ADAMTS18: variants seen among roughly 807,000 people sequenced by gnomAD.
The protein encoded by ADAMTS18 is ADAM metallopeptidase with thrombospondin type 1 motif 18.
A neutral mutation model predicts 165.9 loss-of-function variants in ADAMTS18; 157 were observed. The ratio of observed to expected loss-of-function variants is 0.95; its 90% CI spans 0.83 to 1.08. The LOEUF (loss-of-function observed/expected upper bound fraction) is 1.08, where lower values mean the gene tolerates loss of function less well. Among genes scored for constraint, ADAMTS18 ranks in the 50% least tolerant of loss-of-function variants. The pLI is 0.00. For missense variants in ADAMTS18, 2,040 were observed against 1,534.0 expected (o/e 1.33, Z -5.51); for synonymous variants, 782 against 578.2 (o/e 1.35, Z -5.06).
At chr16:77,426,912 G>A (rs1199254306) in intron 3 of ADAMTS18, among the ~76,000 whole-genome samples, 2 of 152,114 alleles carry the variant, frequency 1.3e-5, no homozygotes, top group African/African-American at 2.4e-5. Flanking sequence ...TACTTGGGGG[G>A]CTGAGTTGGG....
At chr16:77,431,929 G>C (rs2057745347) in intron 2 of ADAMTS18, among the ~76,000 whole-genome samples, 1 of 152,126 alleles carries the variant, frequency 6.6e-6, no homozygotes, top group Non-Finnish European at 1.5e-5. Context: ...TTAATGGTCT[G>C]GGCCTTTTAT....
intron 3 of ADAMTS18, among the ~76,000 whole-genome samples, chr16:77,415,216 C>G (rs537301018): frequency 6.6e-6 from 1 of 152,224 alleles, no homozygotes; most frequent in South Asian, 2.1e-4. Context: ...ATGCTCAATG[C>G]GCTTATTGCA....
At chr16:77,349,909 G>A (rs1374134691) in intron 10 of ADAMTS18, among the ~76,000 whole-genome samples, 1 of 152,190 alleles carries the variant, frequency 6.6e-6, no homozygotes, top group Non-Finnish European at 1.5e-5. Context: ...GTGGGTCTAT[G>A]AATAAACATT....
intron 14 of ADAMTS18, 49 bp from the exon 15 acceptor site, chr16:77,321,251 G>C: frequency 6.2e-7 from 1 of 1,611,764 alleles, no homozygotes; most frequent in Non-Finnish European, 8.5e-7. Context: ...AGAGAAGCCA[G>C]AGGCTGGGAA....
intron 3 of ADAMTS18, among the ~76,000 whole-genome samples, chr16:77,393,910 T>C (rs897858875): frequency 6.6e-6 from 1 of 152,210 alleles, no homozygotes; most frequent in African/African-American, 2.4e-5. Flanking sequence ...GAGGAACATA[T>C]CCATCCAGTA....
intron 12 of ADAMTS18, among the ~76,000 whole-genome samples, chr16:77,329,245 A>T (rs1277032999): frequency 1.3e-5 from 2 of 152,102 alleles, no homozygotes; most frequent in Non-Finnish European, 2.9e-5. Context: ...AGTTAGGACT[A>T]CAGGCATGTG....
chr16:77,386,869 T>A (rs118067667), intron 3 of ADAMTS18, among the ~76,000 whole-genome samples: 93 of 152,298 alleles, frequency 6.1e-4, no homozygotes, highest in Non-Finnish European at 1.1e-3. Flanking sequence ...GAAGCATAGT[T>A]TATTTAACTT....
At chr16:77,357,416 T>A (rs996620672) in intron 8 of ADAMTS18, among the ~76,000 whole-genome samples, 2 of 152,174 alleles carry the variant, frequency 1.3e-5, no homozygotes, top group African/African-American at 4.8e-5. Flanking sequence ...CATTTTCTTA[T>A]CCTCAGCTTT....
At chr16:77,365,738 C>G (rs1005502538) in intron 4 of ADAMTS18, among the ~76,000 whole-genome samples, 3 of 152,102 alleles carry the variant, frequency 2.0e-5, no homozygotes, top group African/African-American at 7.2e-5. Context: ...CTAACTAGTA[C>G]AGAAATAGTT....
Position 77,364,746 on chromosome 16 carries a change from AAAGAAAAG to A in ADAMTS18, c.779-373_779-366del, listed in dbSNP as rs2056767932. On this transcript the variant is annotated intron_variant, in intron 4 of 22. Transcript: ENST00000282849. ...AAAAGGAAAAAAAAAGAAAGAAAGAAAAGAAAAGAAGAAAGAAAAGGAAAGCAAAGGAA... is the reference window on the plus strand; with the variant it reads ...AAAAGGAAAAAAAAAGAAAGAAAGAAAAGAAAGAAAAGGAAAGCAAAGGAA... Among the ~76,000 whole-genome samples, 3 of 79,898 alleles carry A rather than the reference AAAGAAAAG, an allele frequency of 3.8e-5. No individual in the cohort carries two copies. In the South Asian group the frequency reaches 1.1e-3, roughly 30 times the overall value. 52.4% of individuals were successfully genotyped at this position (79,898 alleles called of 152,430 possible). A position where few individuals can be genotyped will look rare whatever the true frequency, so the allele number is the denominator to read the frequency against.
chr16:77,299,238 A>T (rs1444808885), intron 17 of ADAMTS18, among the ~76,000 whole-genome samples: 1 of 152,226 alleles, frequency 6.6e-6, no homozygotes, highest in African/African-American at 2.4e-5. Context: ...GTGCCTAGGG[A>T]AACAAATGAT....
intron 3 of ADAMTS18, among the ~76,000 whole-genome samples, chr16:77,397,120 C>G (rs1021138907): frequency 6.6e-6 from 1 of 151,942 alleles, no homozygotes; most frequent in Non-Finnish European, 1.5e-5. Context: ...GGATTGCTTT[C>G]TAGGAGACCC....
chr16:77,284,347 C>T (rs954209686), intron 22 of ADAMTS18, among the ~76,000 whole-genome samples: 8 of 152,050 alleles, frequency 5.3e-5, no homozygotes, highest in African/African-American at 7.3e-5. Context: ...AGGCTGGTCT[C>T]AAATTCCTGA....
At chr16:77,320,903 G>T (rs934028193) in intron 15 of ADAMTS18, among the ~76,000 whole-genome samples, 176 bp downstream of exon 15, 1 of 152,202 alleles carries the variant, frequency 6.6e-6, no homozygotes, top group East Asian at 1.9e-4. Flanking sequence ...ACGAGGTAAT[G>T]TATCGACGAA....
chr16:77,347,079 G>A (rs753022556), intron 10 of ADAMTS18, among the ~76,000 whole-genome samples: 15 of 152,150 alleles, frequency 9.9e-5, no homozygotes, highest in Admixed American at 1.3e-4. Flanking sequence ...TCTTTTGTTC[G>A]GCATGTTTTT....
chr16:77,365,596 A>T (rs189579658), intron 4 of ADAMTS18, among the ~76,000 whole-genome samples: 5 of 152,370 alleles, frequency 3.3e-5, no homozygotes, highest in African/African-American at 1.2e-4. Flanking sequence ...GATACTGGCC[A>T]TAGCCATTGA....
chr16:77,327,505 A>C (rs2056115751), intron 12 of ADAMTS18, among the ~76,000 whole-genome samples: 1 of 152,240 alleles, frequency 6.6e-6, no homozygotes, highest in South Asian at 2.1e-4. Context: ...CCAAATGCCC[A>C]TCAATCAACG....
chr16:77,417,261 G>A (rs899713003), intron 3 of ADAMTS18, among the ~76,000 whole-genome samples: 5 of 152,110 alleles, frequency 3.3e-5, no homozygotes, highest in Non-Finnish European at 7.3e-5. Context: ...TGGGAGGATA[G>A]GTGGGTGGGT....
intron 3 of ADAMTS18, among the ~76,000 whole-genome samples, chr16:77,372,817 C>A (rs1475516571): frequency 2.6e-5 from 4 of 152,138 alleles, no homozygotes; most frequent in Admixed American, 1.3e-4. Flanking sequence ...TTTCTATTGA[C>A]GTCCCAAATC....
Sources: allele counts gnomAD v4.1 joint callset (sites outside exome capture counted in the v4.1 genomes callset), GRCh38; gene constraint gnomAD v4.1.1; transcripts MANE v1.5; gene names NCBI Gene and HGNC (gene_info 2026-07-23, HGNC 2026-07-21).